Variants in ZHX3 observed in about 807,000 individuals in gnomAD.
ZHX3 encodes the protein zinc fingers and homeoboxes protein 3.
ZHX3 carries 20 observed loss-of-function variants against 64.5 expected under a neutral mutation model. The observed-to-expected ratio is 0.31, with a 90% confidence interval of 0.22 to 0.45. The LOEUF is 0.45. Ranked by LOEUF, ZHX3 falls within the 20% of genes least tolerant of loss-of-function variation. The pLI, the probability that ZHX3 is intolerant of heterozygous loss-of-function variation, is 1.00. For synonymous variants in ZHX3, 423 were observed against 461.6 expected (o/e 0.92, Z 1.07); for missense variants, 1,041 against 1,195.8 (o/e 0.87, Z 1.91).
At chr20:41,214,353 C>T (rs1424610814) in intron 2 of ZHX3, among the ~76,000 whole-genome samples, 1 of 152,148 alleles carries the variant, frequency 6.6e-6, no homozygotes, top group Non-Finnish European at 1.5e-5. Context: ...AAGGACAAGG[C>T]TCAGAAAAGT....
chr20:41,309,211 A>T (rs1169745851), intron 1 of ZHX3, among the ~76,000 whole-genome samples: 1 of 152,056 alleles, frequency 6.6e-6, no homozygotes, highest in Admixed American at 6.5e-5. Flanking sequence ...ACTGTTTCTG[A>T]TATCAGATGT....
chr20:41,213,915 A>G (rs750847988), intron 2 of ZHX3: 4 of 152,152 alleles, frequency 2.6e-5, no homozygotes, highest in African/African-American at 4.8e-5. Context: ...CAACATAGAA[A>G]TTGTAAAAAA....
chr20:41,257,760 C>T lies in ZHX3; in HGVS notation c.-151+11230G>A, dbSNP rs1354603188. On this transcript the variant is annotated intron_variant, in intron 2 of 3. Coordinates refer to ENST00000683867, the MANE Select transcript of ZHX3 (RefSeq NM_001384317.1). Reference sequence around the variant, plus strand: ...CTTAGTAGCTGGGACTACAGGCACACGCCACCATGCCTGGCTAAGTTTTCG... The same window carrying T: ...CTTAGTAGCTGGGACTACAGGCACATGCCACCATGCCTGGCTAAGTTTTCG... 9.4e-5 allele frequency among the ~76,000 whole-genome samples: 14 copies of T among 149,480 alleles called. 1 individual carries two copies. The highest frequency in any genetic ancestry group is 2.8e-4 in the African/African-American group (11 of 39,640).
At position 41,202,209 on chromosome 20, in the gene ZHX3, C is replaced by T; in HGVS notation, c.2708G>A (p.Gly903Asp). 1 of 1,614,136 alleles carries T rather than the reference C, an allele frequency of 6.2e-7. No homozygotes were observed. Among genetic ancestry groups the T allele is most frequent in the South Asian group, 1.1e-5 (1 of 91,080 alleles). Residue 903 changes from glycine to aspartate, a missense_variant, in exon 3 of 4, where the codon GGC becomes GAC. Around this residue, in one of 4 missense-constraint regions of ZHX3, gnomAD observed 649 missense variants for 739.8 expected, o/e 0.88. Transcript: ENST00000683867. This position sits in a 1 kb window ranked among gnomAD's most constrained non-coding sequence, Gnocchi z 7.0. ...AVADTGSEDQGPGTGELTAVH... is the reference protein window; with the variant it reads ...AVADTGSEDQDPGTGELTAVH... ...TGCTGTGAGCTCACCAGTACCAGGG[C>T]CCTGGTCCTCACTGCCTGTGTCTGC... is the stretch of plus-strand genomic sequence containing the variant.
At chr20:41,289,014 CAG>C (rs2044083663) in intron 1 of ZHX3, among the ~76,000 whole-genome samples, 1 of 152,098 alleles carries the variant, frequency 6.6e-6, no homozygotes. Context: ...TTTTTTGAGA[CAG>C]GGTCTCACTG....
Position 41,232,731 on chromosome 20 carries a change from G to T in ZHX3, c.-150-27665C>A, listed in dbSNP as rs1250116099. On this transcript the variant is annotated intron_variant, in intron 2 of 3. Transcript: ENST00000683867. This position sits in a 1 kb window ranked among gnomAD's most constrained non-coding sequence, Gnocchi z 5.0. ...CAGCCTCCCGCGGGGGACTACAGGC[G>T]CCCACCACCTCGCCCGGCTAATTTT... Among the ~76,000 whole-genome samples, 1 of 151,990 alleles carries T rather than the reference G, an allele frequency of 6.6e-6. No homozygotes were observed. Among genetic ancestry groups the T allele is most frequent in the African/African-American group, 2.4e-5 (1 of 41,392 alleles).
In ZHX3 at chr20:41,212,377, T is replaced by A. The variant is rs2039221169; in HGVS notation, c.-150-7311A>T. ...AGATGGCTGTAATTACAGCGACAGA[T>A]AACAAGTATAGATGAGGATGCAGAG... On this transcript the variant is annotated intron_variant, in intron 2 of 3. Transcript: ENST00000683867. The surrounding 1 kb of genome is among the most constrained non-coding windows in gnomAD (Gnocchi z 4.3). 6.6e-6 allele frequency among the ~76,000 whole-genome samples: 1 copy of A among 151,978 alleles called. No individual in the cohort carries two copies. The highest frequency in any genetic ancestry group is 1.5e-5 in the Non-Finnish European group (1 of 67,996).
chr20:41,199,719 G>A (rs1239322651), intron 3 of ZHX3, among the ~76,000 whole-genome samples: 1 of 82,134 alleles, frequency 1.2e-5, no homozygotes, highest in Non-Finnish European at 2.5e-5. Flanking sequence ...TTTTTTTTTT[G>A]CAATGGAGCC....
At chr20:41,247,264 T>C (rs1426055564) in intron 2 of ZHX3, among the ~76,000 whole-genome samples, 3 of 152,124 alleles carry the variant, frequency 2.0e-5, no homozygotes, top group Admixed American at 6.5e-5. Context: ...GGAGAACCTG[T>C]TTCAAAAAAG....
At chr20:41,194,723 C>T (rs1182889549) in intron 3 of ZHX3, among the ~76,000 whole-genome samples, 2 of 152,144 alleles carry the variant, frequency 1.3e-5, no homozygotes, top group Non-Finnish European at 2.9e-5. Flanking sequence ...TGATAACAAT[C>T]TTCTTACCAG....
rs954511896 is a variant in ZHX3, at chr20:41,179,029, A to G, written c.*6162T>C. 4 of 152,730 alleles carry G rather than the reference A, an allele frequency of 2.6e-5. No individual in the cohort carries two copies. Among genetic ancestry groups the G allele is most frequent in the African/African-American group, 9.6e-5 (4 of 41,456 alleles). The allele number at this position is 152,730 out of a possible 1,614,324, so 9.5% of individuals were successfully genotyped here. On this transcript the variant is annotated 3_prime_UTR_variant, in exon 4 of 4. Transcript: ENST00000683867. The surrounding 1 kb of genome is among the most constrained non-coding windows in gnomAD (Gnocchi z 4.3). The stretch of plus-strand genomic sequence containing the variant: ...GGAACAAGGCTTTGTGCTGAAGACC[A>G]AAATGCAAATGGGTGCTAGAAAACC...
chr20:41,202,709 T>G lies in ZHX3; in HGVS notation c.2208A>C (p.Glu736Asp), dbSNP rs1387062151. 4 of 1,614,152 alleles carry G rather than the reference T, an allele frequency of 2.5e-6. No homozygotes were observed. Among genetic ancestry groups the G allele is most frequent in the Non-Finnish European group, 3.4e-6 (4 of 1,180,038 alleles). Reference protein sequence around the residue: ...KINLKNLRVTEANGRNEIPGL... With the variant: ...KINLKNLRVTDANGRNEIPGL... Reference sequence around the variant, plus strand: ...CTGGAATCTCGTTCCTGCCATTGGCTTCAGTGACCCTCAGGTTCTTCAGGT... The same window carrying G: ...CTGGAATCTCGTTCCTGCCATTGGCGTCAGTGACCCTCAGGTTCTTCAGGT... The change falls in exon 3 of 4, where the codon GAA becomes GAC. Residue 736 changes from glutamate (E) to aspartate (D), a missense_variant. Glu to Asp is a conservative substitution (Grantham distance 45, BLOSUM62 2). Coordinates refer to ENST00000683867, the MANE Select transcript of ZHX3 (RefSeq NM_001384317.1). This position sits in a 1 kb window ranked among gnomAD's most constrained non-coding sequence, Gnocchi z 7.0.
chr20:41,190,501 T>G (rs1250454735), intron 3 of ZHX3, among the ~76,000 whole-genome samples: 1 of 152,206 alleles, frequency 6.6e-6, no homozygotes, highest in Non-Finnish European at 1.5e-5. Context: ...GTTTTGTTAT[T>G]GTTATACTGT....
At chr20:41,293,276 A>G (rs2044340487) in intron 1 of ZHX3, among the ~76,000 whole-genome samples, 1 of 152,200 alleles carries the variant, frequency 6.6e-6, no homozygotes, top group African/African-American at 2.4e-5. Flanking sequence ...CTGCATTTTA[A>G]CCAAATTCCC....
chr20:41,214,278 C>A (rs2039367319), intron 2 of ZHX3, among the ~76,000 whole-genome samples: 1 of 152,164 alleles, frequency 6.6e-6, no homozygotes, highest in Middle Eastern at 3.4e-3. Flanking sequence ...TTATACACAT[C>A]CCCTCATTTC....
In ZHX3 at chr20:41,203,911, A is replaced by G; in HGVS notation, c.1006T>C (p.Tyr336His). The G allele has an allele frequency of 1.9e-6, 3 of 1,614,222 alleles. No homozygotes were observed. The highest frequency in any genetic ancestry group is 1.7e-6 in the Non-Finnish European group (2 of 1,180,040). ...GGATACTTGGTCACCACAGTCAAATAGCAGAGCTCGGCTTTGGTGGGGTAG... is the reference window on the plus strand; with the variant it reads ...GGATACTTGGTCACCACAGTCAAATGGCAGAGCTCGGCTTTGGTGGGGTAG... Reference protein sequence around the residue: ...FPYPTKAELCYLTVVTKYPEE... With the variant: ...FPYPTKAELCHLTVVTKYPEE... Residue 336 changes from tyrosine to histidine, a missense_variant, in exon 3 of 4, where the codon TAT becomes CAT. Physicochemically the swap from Tyr to His is moderately conservative, Grantham distance 83. This residue lies in a region of ZHX3 where 28 missense variants were observed against 66.7 expected (regional missense o/e 0.42). Coordinates refer to ENST00000683867, the MANE Select transcript of ZHX3 (RefSeq NM_001384317.1). This position sits in a 1 kb window ranked among gnomAD's most constrained non-coding sequence, Gnocchi z 7.1.
intron 2 of ZHX3, among the ~76,000 whole-genome samples, chr20:41,242,128 G>T (rs749307659): frequency 1.3e-5 from 2 of 152,176 alleles, no homozygotes; most frequent in Non-Finnish European, 2.9e-5. Context: ...CTCAAGAAGT[G>T]TAACAACTAC....
chr20:41,233,132 A>G (rs2040736061), intron 2 of ZHX3, among the ~76,000 whole-genome samples: 1 of 152,188 alleles, frequency 6.6e-6, no homozygotes, highest in Admixed American at 6.5e-5. Flanking sequence ...CTGAATTCAG[A>G]CTCTGATACA....
intron 3 of ZHX3, among the ~76,000 whole-genome samples, chr20:41,187,330 A>C (rs1003224387): frequency 1.3e-5 from 2 of 150,958 alleles, no homozygotes; most frequent in African/African-American, 4.9e-5. Context: ...TCTCAAAAAA[A>C]AAAAAAAAAA....
Sources: gnomAD v4.1 joint callset for allele counts (sites outside exome capture counted in the v4.1 genomes callset) on GRCh38, gnomAD v4.1.1 for gene constraint, gnomAD v4.1.1 regional missense constraint, Gnocchi (gnomAD v3.1) non-coding constraint, MANE v1.5 for transcripts, NCBI Gene and HGNC (gene_info 2026-07-23, HGNC 2026-07-21) for gene names.